The following CAPN2 variants were observed in gnomAD, a reference collection of about 807,000 sequenced individuals.
CAPN2 encodes the protein calpain 2, also known as calpain-2 catalytic subunit.
In CAPN2, 92 loss-of-function variants were observed where a neutral mutation model predicts 102.3. The ratio of observed to expected loss-of-function variants is 0.90; its 90% CI spans 0.76 to 1.07. The LOEUF (loss-of-function observed/expected upper bound fraction) is 1.07, where lower values mean the gene tolerates loss of function less well. Ranked by LOEUF, CAPN2 falls within the 50% of genes least tolerant of loss-of-function variation. CAPN2 has a pLI of 0.00. For missense variants in CAPN2, 800 were observed against 909.4 expected, an observed-to-expected ratio of 0.88 and a Z score of 1.55; for synonymous variants, 340 against 355.4, an observed-to-expected ratio of 0.96 and a Z score of 0.49.
chr1:223,720,757 T>G (rs1460883113), intron 2 of CAPN2, among the ~76,000 whole-genome samples: 2 of 151,954 alleles, frequency 1.3e-5, no homozygotes, highest in South Asian at 2.1e-4. Flanking sequence ...CTCACCTCAC[T>G]GTACAGATAA....
intron 1 of CAPN2, among the ~76,000 whole-genome samples, chr1:223,703,418 G>A (rs1429911993): frequency 1.3e-5 from 2 of 151,978 alleles, no homozygotes; most frequent in African/African-American, 2.4e-5. Context: ...TGCCGTGCCT[G>A]GCCATTTGCA....
intron 1 of CAPN2, among the ~76,000 whole-genome samples, chr1:223,703,302 C>T (rs924255871): frequency 1.3e-5 from 2 of 149,194 alleles, no homozygotes; most frequent in Non-Finnish European, 3.0e-5. Flanking sequence ...TAAATATGTG[C>T]AAAGCATTTG....
Position 223,712,840 on chromosome 1 carries a change from C to A in CAPN2, c.200C>A (p.Ser67Tyr). Residue 67 changes from serine to tyrosine, a missense_variant, in exon 1 of 21, where the codon TCC (serine) becomes TAC (tyrosine). Physicochemically the swap from Ser to Tyr is moderately radical, Grantham distance 144. Transcript: ENST00000295006. ...ALGFKELGPYSSKTRGIEWKR... is the reference protein window; with the variant it reads ...ALGFKELGPYYSKTRGIEWKR... ...GGCTTCAAGGAGTTGGGGCCCTACTCCAGCAAAACCCGGGGCATCGAGTGG... is the reference window on the plus strand; with the variant it reads ...GGCTTCAAGGAGTTGGGGCCCTACTACAGCAAAACCCGGGGCATCGAGTGG... The A allele has an allele frequency of 6.4e-7, 1 of 1,559,180 alleles. No individual in the cohort carries two copies.
rs565000944 is a variant in CAPN2, at chr1:223,774,804, G to T, written c.2080-30G>T. ...GCCTTTAATTTTAAAAGTGGTCACTGAGCTGACTTTTTTTTTTCCTTCCTC... is the reference window on the plus strand; with the variant it reads ...GCCTTTAATTTTAAAAGTGGTCACTTAGCTGACTTTTTTTTTTCCTTCCTC... On this transcript the variant is annotated intron_variant, in intron 20 of 20. Coordinates refer to ENST00000295006, the MANE Select transcript of CAPN2 (RefSeq NM_001748.5). 8 of 1,608,830 alleles carry T rather than the reference G, an allele frequency of 5.0e-6. No individual in the cohort carries two copies. In the South Asian group the frequency reaches 6.7e-5, roughly 13 times the overall value.
chr1:223,763,257 T>C (rs1661233251), intron 14 of CAPN2, among the ~76,000 whole-genome samples: 1 of 151,730 alleles, frequency 6.6e-6, no homozygotes, highest in South Asian at 2.1e-4. Context: ...TTTCCAATCA[T>C]TGAGCTCATC....
chr1:223,733,657 G>C (rs556239463), intron 2 of CAPN2, among the ~76,000 whole-genome samples: 2 of 152,302 alleles, frequency 1.3e-5, no homozygotes, highest in East Asian at 1.9e-4. Flanking sequence ...TCCAGGTCAC[G>C]TGAGTCTTGG....
chr1:223,719,632 A>T (rs1659995380), intron 2 of CAPN2, among the ~76,000 whole-genome samples: 1 of 152,234 alleles, frequency 6.6e-6, no homozygotes, highest in Admixed American at 6.5e-5. Context: ...AGTGTAAGCA[A>T]CAAATACATG....
At chr1:223,706,907 C>G (rs560759526) in intron 1 of CAPN2, among the ~76,000 whole-genome samples, 1 of 151,922 alleles carries the variant, frequency 6.6e-6, no homozygotes, top group Non-Finnish European at 1.5e-5. Flanking sequence ...TGGCGAAACC[C>G]CGTCTCTATT....
At chr1:223,739,175 T>C (rs1660543142) in intron 2 of CAPN2, among the ~76,000 whole-genome samples, 1 of 131,114 alleles carries the variant, frequency 7.6e-6, no homozygotes, top group African/African-American at 2.8e-5. Flanking sequence ...TAACCAAGCA[T>C]AAACAGATTT....
At chr1:223,722,281 C>CTTTTTTTTTTT (rs34894876) in intron 2 of CAPN2, among the ~76,000 whole-genome samples, 2 of 85,512 alleles carry the variant, frequency 2.3e-5, no homozygotes, top group Non-Finnish European at 2.2e-5. Flanking sequence ...TTCTTTCTTT[C>CTTTTTTTTTTT]TTTTTTTTTT....
intron 16 of CAPN2, among the ~76,000 whole-genome samples, chr1:223,767,180 A>C (rs1277836206): frequency 6.7e-6 from 1 of 148,718 alleles, no homozygotes; most frequent in Non-Finnish European, 1.5e-5. Context: ...TTCTTTATTT[A>C]TTTATTTATT....
chr1:223,714,590 C>T (rs1393887473), intron 1 of CAPN2, among the ~76,000 whole-genome samples: 1 of 124,304 alleles, frequency 8.0e-6, no homozygotes, highest in African/African-American at 3.1e-5. Context: ...CCAGCCTGGG[C>T]AACACAGTAA....
At chr1:223,722,281 C>CTTTTTTTTTTTTTTTTTTTTTTTT (rs34894876) in intron 2 of CAPN2, among the ~76,000 whole-genome samples, 61 of 85,504 alleles carry the variant, frequency 7.1e-4, no homozygotes, top group African/African-American at 1.4e-3. Flanking sequence ...TTCTTTCTTT[C>CTTTTTTTTTTTTTTTTTTTTTTTT]TTTTTTTTTT....
intron 2 of CAPN2, among the ~76,000 whole-genome samples, chr1:223,735,146 C>T (rs980481247): frequency 6.6e-6 from 1 of 152,174 alleles, no homozygotes; most frequent in African/African-American, 2.4e-5. Flanking sequence ...CATGATCCTC[C>T]TTTCACAGCT....
At chr1:223,760,393 G>T (rs530926550) in intron 12 of CAPN2, among the ~76,000 whole-genome samples, 2 of 152,316 alleles carry the variant, frequency 1.3e-5, no homozygotes, top group African/African-American at 2.4e-5. Flanking sequence ...AACTGCCCTT[G>T]CCCCAAGATA....
At chr1:223,709,528 C>T (rs1659685914), upstream of CAPN2, among the ~76,000 whole-genome samples, 4 of 151,990 alleles carry the variant, frequency 2.6e-5, no homozygotes, top group South Asian at 8.3e-4. Context: ...GGCATGGTGG[C>T]AGGCACCTGT....
chr1:223,749,904 G>A (rs537381770), intron 6 of CAPN2, among the ~76,000 whole-genome samples: 13 of 152,236 alleles, frequency 8.5e-5, no homozygotes, highest in African/African-American at 3.1e-4. Flanking sequence ...CAGCTACTCG[G>A]GAGGCTGAGG....
At position 223,751,954 on chromosome 1, in the gene CAPN2, A is replaced by C. The variant is rs28370079; in HGVS notation, c.900-43A>C. On this transcript the variant is annotated intron_variant, in intron 7 of 20. Transcript: ENST00000295006. ...CTCAACTCTGGGGCCTTTGGGGAGAAATCATCGTACACTAACGCCTCTCTC... is the reference window on the plus strand; with the variant it reads ...CTCAACTCTGGGGCCTTTGGGGAGACATCATCGTACACTAACGCCTCTCTC... The C allele has an allele frequency of 5.7e-3, 7,804 of 1,361,820 alleles. 378 individuals are homozygous for C. The African/African-American group carries it at 0.099, about 17-fold the overall frequency. The allele number at this position is 1,361,820 out of a possible 1,614,324, so 84.4% of individuals were successfully genotyped here.
rs1661020064 is a variant in CAPN2, at chr1:223,755,770, A to G, written c.1305+121A>G. The G allele has an allele frequency of 9.6e-7, 1 of 1,040,668 alleles. No individual in the cohort carries two copies. The highest frequency in any genetic ancestry group is 1.7e-5 in the South Asian group (1 of 57,286). 64.5% of individuals were successfully genotyped at this position (1,040,668 alleles called of 1,614,324 possible). On this transcript the variant is annotated intron_variant, in intron 10 of 20. Coordinates refer to ENST00000295006, the MANE Select transcript of CAPN2 (RefSeq NM_001748.5). The surrounding 1 kb of genome is among the most constrained non-coding windows in gnomAD (Gnocchi z 4.1). ...TCCCAGACCGGGAGCTTGGCCAAGG[A>G]AAAACAAAACTACCAGCCTGGCCAG...
Sources: gnomAD v4.1 joint callset for allele counts (sites outside exome capture counted in the v4.1 genomes callset) on GRCh38, gnomAD v4.1.1 for gene constraint, Gnocchi (gnomAD v3.1) non-coding constraint, MANE v1.5 for transcripts, NCBI Gene and HGNC (gene_info 2026-07-23, HGNC 2026-07-21) for gene names.